Variants in SORBS2 observed in about 807,000 individuals in gnomAD.
The protein encoded by SORBS2 is sorbin and SH3 domain containing 2.
Under a neutral mutation model 97.7 loss-of-function variants are expected in SORBS2, and 46 were observed. That is an observed-to-expected ratio of 0.47 (90% CI 0.37 to 0.60). The LOEUF (loss-of-function observed/expected upper bound fraction) is 0.60. Ranked by LOEUF, SORBS2 falls within the 20% of genes least tolerant of loss-of-function variation. The probability of loss-of-function intolerance (pLI) is 0.00; values close to 1 mark genes in which losing one functional copy is unlikely to be tolerated. For synonymous variants in SORBS2, 476 were observed against 473.4 expected (o/e 1.01, Z -0.07); for missense variants, 1,316 against 1,282.3 (o/e 1.03, Z -0.40).
chr4:185,798,845 T>G (rs1263600499), intron 1 of SORBS2, among the ~76,000 whole-genome samples: 1 of 152,188 alleles, frequency 6.6e-6, no homozygotes, highest in Non-Finnish European at 1.5e-5. Flanking sequence ...GTTTTTGCCC[T>G]GATATCAAAA....
intron 1 of SORBS2, among the ~76,000 whole-genome samples, chr4:185,818,275 C>T (rs532577312): frequency 9.4e-4 from 143 of 152,226 alleles, no homozygotes; most frequent in African/African-American, 3.1e-3. Context: ...CTGCAATCTC[C>T]GCCTCCTGGG....
rs1346363177 is a variant in SORBS2, at chr4:185,926,750, T to C, written c.-338+29446A>G. On this transcript the variant is annotated intron_variant, in intron 1 of 20. Transcript: ENST00000284776. ...GAAACATGCGAGGTTAATTGACATATTTAAAAGCTTTTTGATGTGGCACAA... is the reference window on the plus strand; with the variant it reads ...GAAACATGCGAGGTTAATTGACATACTTAAAAGCTTTTTGATGTGGCACAA... Among the ~76,000 whole-genome samples the C allele has an allele frequency of 2.6e-5, 4 of 152,206 alleles. No homozygotes were observed. The East Asian group carries it at 7.7e-4, about 29-fold the overall frequency.
At chr4:185,746,686 C>G (rs1365952173) in intron 2 of SORBS2, among the ~76,000 whole-genome samples, 1 of 152,184 alleles carries the variant, frequency 6.6e-6, no homozygotes, top group Non-Finnish European at 1.5e-5. Flanking sequence ...TTAGGACAAG[C>G]TGAGAAATGC....
At chr4:185,787,067 C>T (rs1297800049) in intron 1 of SORBS2, among the ~76,000 whole-genome samples, 1 of 149,762 alleles carries the variant, frequency 6.7e-6, no homozygotes. Context: ...TGAATATTGG[C>T]TACTCCATCA....
intron 1 of SORBS2, among the ~76,000 whole-genome samples, chr4:185,826,093 C>T (rs995806905): frequency 2.0e-5 from 3 of 152,322 alleles, no homozygotes; most frequent in African/African-American, 7.2e-5. Context: ...TCGTTTCAGT[C>T]AGCCACATTT....
At chr4:185,665,936 G>A in intron 4 of SORBS2, 1 of 1,227,346 alleles carries the variant, frequency 8.1e-7, no homozygotes, top group South Asian at 1.4e-5. Context: ...CCTGTGTCGT[G>A]GCTGTGGATG....
At chr4:185,909,722 C>G (rs934919752) in intron 1 of SORBS2, among the ~76,000 whole-genome samples, 1 of 152,106 alleles carries the variant, frequency 6.6e-6, no homozygotes, top group Admixed American at 6.5e-5. Flanking sequence ...GTCAAGAACT[C>G]TAAACTAGGA....
chr4:185,714,908 TACCTAA>T (rs2098453269), intron 2 of SORBS2, among the ~76,000 whole-genome samples: 1 of 152,142 alleles, frequency 6.6e-6, no homozygotes, highest in Non-Finnish European at 1.5e-5. Flanking sequence ...ACAGGCATGC[TACCTAA>T]ACCTCTCAAA....
At chr4:185,620,873 C>T (rs901515977) in intron 7 of SORBS2, among the ~76,000 whole-genome samples, 1 of 152,162 alleles carries the variant, frequency 6.6e-6, no homozygotes, top group Admixed American at 6.5e-5. Flanking sequence ...ATGTCAGTTG[C>T]CAAATTGCTT....
intron 4 of SORBS2, 40 bp from the exon 14 acceptor site, chr4:185,639,075 G>A: frequency 6.7e-7 from 1 of 1,489,180 alleles, no homozygotes; most frequent in Non-Finnish European, 8.9e-7. Flanking sequence ...TCATTAGATG[G>A]AGGCTCTGGG....
chr4:185,865,841 T>G (rs1247440741), intron 1 of SORBS2, among the ~76,000 whole-genome samples: 1 of 151,828 alleles, frequency 6.6e-6, no homozygotes. Context: ...TCTAGCTCTT[T>G]CTTGATAAAC....
chr4:185,597,574 T>C (rs777238213), intron 12 of SORBS2, among the ~76,000 whole-genome samples: 11 of 152,182 alleles, frequency 7.2e-5, no homozygotes, highest in Non-Finnish European at 1.2e-4. Context: ...CGCTATTGCA[T>C]GAAAGATTAC....
chr4:185,820,502 G>A (rs2099196105), intron 1 of SORBS2, among the ~76,000 whole-genome samples: 1 of 152,204 alleles, frequency 6.6e-6, no homozygotes, highest in African/African-American at 2.4e-5. Context: ...GGCAGGGCTG[G>A]CCTTCAGAGG....
chr4:185,768,702 A>AAAAC (rs1348512413), intron 2 of SORBS2, among the ~76,000 whole-genome samples: 6 of 109,346 alleles, frequency 5.5e-5, no homozygotes, highest in Non-Finnish European at 1.1e-4. Flanking sequence ...CTGTCTCAAA[A>AAAAC]AAAAAAAAAC....
chr4:185,843,433 T>C (rs2099212794), intron 1 of SORBS2, among the ~76,000 whole-genome samples: 1 of 152,086 alleles, frequency 6.6e-6, no homozygotes, highest in Non-Finnish European at 1.5e-5. Flanking sequence ...ATGACAAAAT[T>C]GTCTACATAG....
chr4:185,803,992 C>T (rs1278541235), intron 1 of SORBS2, among the ~76,000 whole-genome samples: 14 of 152,082 alleles, frequency 9.2e-5, no homozygotes, highest in Admixed American at 7.2e-4. Flanking sequence ...AGGTTAAATT[C>T]GGAGGAAAAA....
chr4:185,767,726 A>G (rs2098944828), intron 2 of SORBS2, among the ~76,000 whole-genome samples: 1 of 152,126 alleles, frequency 6.6e-6, no homozygotes, highest in Non-Finnish European at 1.5e-5. Flanking sequence ...TCTTATTTCA[A>G]GTGCTCTCGT....
intron 1 of SORBS2, among the ~76,000 whole-genome samples, chr4:185,901,215 T>C (rs943063131): frequency 6.6e-6 from 1 of 152,164 alleles, no homozygotes; most frequent in African/African-American, 2.4e-5. Flanking sequence ...TTTTTTTTTT[T>C]TAATTGAGAT....
At chr4:185,904,148 C>T (rs1230354257) in intron 1 of SORBS2, among the ~76,000 whole-genome samples, 1 of 152,156 alleles carries the variant, frequency 6.6e-6, no homozygotes, top group Non-Finnish European at 1.5e-5. Flanking sequence ...CTAAATTTAA[C>T]TTATGGATGT....
Sources: allele counts gnomAD v4.1 joint callset (sites outside exome capture counted in the v4.1 genomes callset), GRCh38; gene constraint gnomAD v4.1.1; transcripts MANE v1.5; gene names NCBI Gene and HGNC (gene_info 2026-07-23, HGNC 2026-07-21).